The following TTC3 variants were observed in gnomAD, a reference collection of about 807,000 sequenced individuals.
The protein encoded by TTC3 is tetratricopeptide repeat domain 3.
A neutral mutation model predicts 249.6 loss-of-function variants in TTC3; 180 were observed. That is an observed-to-expected ratio of 0.72 (90% CI 0.64 to 0.82). TTC3 has a LOEUF of 0.82. Among genes scored for constraint, TTC3 ranks in the 40% least tolerant of loss-of-function variants. TTC3 has a pLI of 0.00. For synonymous variants in TTC3, 717 were observed against 805.0 expected (o/e 0.89, Z 1.85); for missense variants, 2,061 against 2,398.4 (o/e 0.86, Z 2.94).
rs62223586 is a variant in TTC3 at position 37,074,622 on chromosome 21, C to T, written c.-12+1258C>T. Among the ~76,000 whole-genome samples the T allele has an allele frequency of 7.8e-3, 1,191 of 152,018 alleles. 4 individuals carry two copies. The highest frequency in any genetic ancestry group is 0.012 in the Non-Finnish European group (811 of 67,986). On this transcript the variant is annotated intron_variant, in intron 1 of 45. Transcript: ENST00000355666. ...ACAGATTTTACTCCTCCGGAGAGAG[C>T]CTTTTCCTTATAACTACGACTCTAG...
At position 37,183,349 on chromosome 21, in the gene TTC3, G is replaced by A. The variant is rs147257266; in HGVS notation, c.4757+436G>A. ...TTAAAATTTGTCTTGTAGTGTGAAC[G>A]ATTTGATAACATATACAGATCCTAG... On this transcript the variant is annotated intron_variant, in intron 36 of 45. Transcript: ENST00000355666. 7.9e-5 allele frequency among the ~76,000 whole-genome samples: 12 copies of A among 152,288 alleles called. No individual in the cohort carries two copies. In the East Asian group the frequency reaches 2.1e-3, roughly 27 times the overall value.
intron 42 of TTC3, among the ~76,000 whole-genome samples, chr21:37,197,227 T>A (rs898731817): frequency 6.6e-6 from 1 of 152,138 alleles, no homozygotes; most frequent in African/African-American, 2.4e-5. Flanking sequence ...GTGGATCACC[T>A]GAGGTCAGGA....
At position 37,076,694 on chromosome 21, in the gene TTC3, ATTTTT is replaced by A. The variant is rs61629167; in HGVS notation, c.-12+3352_-12+3356del. ...AAACTCCCTTGGGGAAAACAAAGGG[ATTTTT>A]TTTTTTTTTTTTTTTTTTTTTGAGT... On this transcript the variant is annotated intron_variant, in intron 1 of 45. Coordinates refer to ENST00000355666, the Ensembl canonical transcript of TTC3. Among the ~76,000 whole-genome samples the A allele has an allele frequency of 8.6e-4, 82 of 95,008 alleles. 1 individual carries two copies. Among genetic ancestry groups the A allele is most frequent in the African/African-American group, 1.6e-3 (35 of 21,234 alleles). The allele number at this position is 95,008 out of a possible 152,430, so 62.3% of individuals were successfully genotyped here. A position where few individuals can be genotyped will look rare whatever the true frequency, so the allele number is the denominator to read the frequency against.
At chr21:37,168,837 T>C (rs1211482970) in intron 34 of TTC3, among the ~76,000 whole-genome samples, 3 of 152,178 alleles carry the variant, frequency 2.0e-5, no homozygotes, top group Admixed American at 1.3e-4. Context: ...GAGATTCTCA[T>C]GTAGCTAGCC....
chr21:37,096,631 C>T (rs1601381004), exon 10 of TTC3: 1 of 1,611,680 alleles, frequency 6.2e-7, no homozygotes, highest in Non-Finnish European at 8.5e-7. Flanking sequence ...TTTCTTCGTA[C>T]TGGACAGTTT....
At chr21:37,122,618 G>A (rs6517404) in intron 12 of TTC3, among the ~76,000 whole-genome samples, 61,978 of 151,084 alleles carry the variant, frequency 0.41, 13,315 homozygotes, top group Non-Finnish European at 0.48. Context: ...TCTTCTTCGG[G>A]TTGTACAAAG....
At chr21:37,163,232 C>T (rs994130541) in intron 31 of TTC3, among the ~76,000 whole-genome samples, 9 of 152,318 alleles carry the variant, frequency 5.9e-5, no homozygotes, top group African/African-American at 2.2e-4. Flanking sequence ...CAGTGCAGAG[C>T]GACTTGCCCA....
intron 34 of TTC3, 90 bp from the exon 35 acceptor site, chr21:37,172,505 C>T: frequency 7.2e-7 from 1 of 1,388,634 alleles, no homozygotes; most frequent in Non-Finnish European, 9.6e-7. Flanking sequence ...TTTTACTCTC[C>T]TTTGTTTATT....
chr21:37,128,769 A>G (rs1369223419), intron 15 of TTC3, among the ~76,000 whole-genome samples: 1 of 152,178 alleles, frequency 6.6e-6, no homozygotes, highest in Non-Finnish European at 1.5e-5. Flanking sequence ...TATCTATGGT[A>G]GACCTAAATC....
At chr21:37,174,193 C>T (rs571605983) in intron 35 of TTC3, among the ~76,000 whole-genome samples, 6 of 152,252 alleles carry the variant, frequency 3.9e-5, no homozygotes, top group African/African-American at 7.2e-5. Context: ...AGAAGAGTCT[C>T]GGAAATAAAG....
chr21:37,198,370 C>G (rs1255611090), intron 44 of TTC3, among the ~76,000 whole-genome samples: 1 of 152,172 alleles, frequency 6.6e-6, no homozygotes, highest in Non-Finnish European at 1.5e-5. Context: ...GTATTTTGAA[C>G]AGTTGGGGAA....
chr21:37,086,356 T>C (rs902272283), intron 1 of TTC3: 1 of 152,160 alleles, frequency 6.6e-6, no homozygotes, highest in Non-Finnish European at 1.5e-5. Context: ...GAGCTAGAAG[T>C]AATAAAATGG....
In TTC3 at chr21:37,138,142, C is replaced by T. The variant is rs534418140; in HGVS notation, c.1579-492C>T. Among the ~76,000 whole-genome samples, 117 of 152,230 alleles carry T rather than the reference C, an allele frequency of 7.7e-4. 1 individual carries two copies. Among genetic ancestry groups the T allele is most frequent in the African/African-American group, 2.7e-3 (114 of 41,552 alleles). ...TAAGGTGTGTACATTGTTTAATGGA[C>T]GTAATGCTACTACACACTTAATAAA... On this transcript the variant is annotated intron_variant, in intron 18 of 45. Transcript: ENST00000355666.
chr21:37,188,230 A>G (rs1021667887), intron 38 of TTC3: 4 of 315,922 alleles, frequency 1.3e-5, no homozygotes, highest in African/African-American at 4.2e-5. Context: ...GTGCTTATAT[A>G]TAGCTTAAGC....
chr21:37,128,493 A>T (rs1568996672), intron 15 of TTC3, among the ~76,000 whole-genome samples: 1 of 152,234 alleles, frequency 6.6e-6, no homozygotes, highest in Non-Finnish European at 1.5e-5. Context: ...AGTTCAGGCC[A>T]TTCTATCCAA....
intron 22 of TTC3, 41 bp downstream of exon 22, chr21:37,147,644 C>A: frequency 1.9e-6 from 3 of 1,559,616 alleles, no homozygotes; most frequent in South Asian, 1.2e-5. Flanking sequence ...CTTGCAAAAT[C>A]ATTTCTTAAA....
At chr21:37,123,492 AAC>A (rs1383776470) in intron 13 of TTC3, among the ~76,000 whole-genome samples, 1 of 152,218 alleles carries the variant, frequency 6.6e-6, no homozygotes, top group Non-Finnish European at 1.5e-5. Context: ...AGAAATAGGC[AAC>A]AGATAGACTT....
intron 35 of TTC3, among the ~76,000 whole-genome samples, chr21:37,180,762 A>T (rs956858301): frequency 2.1e-4 from 7 of 33,308 alleles, no homozygotes; most frequent in South Asian, 1.2e-3. Context: ...AAGTATAATA[A>T]AAAAAAATGG....
chr21:37,079,369 A>G (rs2071304758), intron 1 of TTC3, among the ~76,000 whole-genome samples: 3 of 152,098 alleles, frequency 2.0e-5, no homozygotes, highest in South Asian at 2.1e-4. Context: ...GAACTTAACT[A>G]TAAGGTCATT....
Sources: gnomAD v4.1 joint callset for allele counts (sites outside exome capture counted in the v4.1 genomes callset) on GRCh38, gnomAD v4.1.1 for gene constraint, MANE v1.5 for transcripts, NCBI Gene and HGNC (gene_info 2026-07-23, HGNC 2026-07-21) for gene names.